Variants in PTPA observed in about 807,000 individuals in gnomAD.
PTPA encodes serine/threonine-protein phosphatase 2A activator.
Under a neutral mutation model 43.6 loss-of-function variants are expected in PTPA, and 13 were observed. That is an observed-to-expected ratio of 0.30 (90% CI 0.19 to 0.47). PTPA has a LOEUF of 0.47. PTPA is among the 20% of genes least tolerant of loss of function. PTPA has a pLI of 0.99. For synonymous variants in PTPA, 172 were observed against 158.2 expected (o/e 1.09, Z -0.66); for missense variants, 329 against 411.9 (o/e 0.80, Z 1.74).
chr9:129,123,938 C>T (rs1849416371), intron 3 of PTPA, among the ~76,000 whole-genome samples: 1 of 152,194 alleles, frequency 6.6e-6, no homozygotes, highest in Admixed American at 6.5e-5. Context: ...CTGCCTCGGC[C>T]TCCCAAAGTG....
intron 1 of PTPA, among the ~76,000 whole-genome samples, chr9:129,116,364 T>C (rs1354166742): frequency 4.7e-5 from 7 of 149,772 alleles, no homozygotes; most frequent in Non-Finnish European, 7.4e-5. Flanking sequence ...TTTTTTGTAT[T>C]TTTAGTAGAG....
At chr9:129,127,604 T>C (rs1849663363) in intron 3 of PTPA, among the ~76,000 whole-genome samples, 1 of 152,208 alleles carries the variant, frequency 6.6e-6, no homozygotes, top group Admixed American at 6.5e-5. Context: ...TTCTAACTGA[T>C]CTTTGGGTTG....
chr9:129,140,944 C>G (rs944418781), intron 8 of PTPA, among the ~76,000 whole-genome samples: 1 of 151,946 alleles, frequency 6.6e-6, no homozygotes, highest in Non-Finnish European at 1.5e-5. Flanking sequence ...CTGAGTGAAG[C>G]GAGTGGTCCA....
chr9:129,113,905 C>G (rs1410908217), intron 1 of PTPA, among the ~76,000 whole-genome samples: 2 of 152,166 alleles, frequency 1.3e-5, no homozygotes, highest in African/African-American at 4.8e-5. Flanking sequence ...GAGAGAGAAC[C>G]TGTGCCCTGA....
Position 129,138,501 on chromosome 9 carries a change from C to T in PTPA, c.786+809C>T, listed in dbSNP as rs1850533790. ...ACCTCTCTTGAGGGAGGTGTTAGGA[C>T]TTCTCATCCTCTCTGCCATCCCCAT... On this transcript the variant is annotated intron_variant, in intron 8 of 9. Transcript: ENST00000393370. Among the ~76,000 whole-genome samples the T allele has an allele frequency of 2.0e-5, 3 of 152,286 alleles. No homozygotes were observed. In the South Asian group the frequency reaches 6.2e-4, roughly 32 times the overall value.
intron 5 of PTPA, 147 bp downstream of exon 5, chr9:129,131,786 G>A: frequency 5.0e-6 from 4 of 794,824 alleles, no homozygotes; most frequent in Non-Finnish European, 8.3e-6. Flanking sequence ...CTGGGGTTAG[G>A]GTGGCTTCAC....
At chr9:129,140,944 C>T (rs944418781) in intron 8 of PTPA, among the ~76,000 whole-genome samples, 1 of 151,946 alleles carries the variant, frequency 6.6e-6, no homozygotes, top group Non-Finnish European at 1.5e-5. Context: ...CTGAGTGAAG[C>T]GAGTGGTCCA....
At chr9:129,142,662 G>C in intron 9 of PTPA, 110 bp downstream of exon 9, 1 of 1,553,864 alleles carries the variant, frequency 6.4e-7, no homozygotes, top group Non-Finnish European at 8.7e-7. Flanking sequence ...CTACCCCACT[G>C]TTTTGCTCTG....
intron 1 of PTPA, among the ~76,000 whole-genome samples, chr9:129,116,491 A>G (rs943108095): frequency 1.4e-5 from 2 of 145,610 alleles, no homozygotes; most frequent in Non-Finnish European, 3.0e-5. Context: ...TGTTCTCGCC[A>G]TTCTCCTGCC....
chr9:129,140,377 A>AGG, intron 8 of PTPA, among the ~76,000 whole-genome samples: 1 of 152,272 alleles, frequency 6.6e-6, no homozygotes, highest in Middle Eastern at 3.4e-3. Context: ...TGAAGGACTT[A>AGG]GGGAGACCCT....
At chr9:129,112,507 A>G (rs1848596004) in intron 1 of PTPA, among the ~76,000 whole-genome samples, 1 of 152,186 alleles carries the variant, frequency 6.6e-6, no homozygotes, top group Non-Finnish European at 1.5e-5. Context: ...AGGTCTCAGG[A>G]GGGAGAAATG....
In PTPA at chr9:129,142,840, T is replaced by C. The variant is rs370569141; in HGVS notation, c.894+288T>C. 6.8e-5 allele frequency: 104 copies of C among 1,532,332 alleles called. No individual in the cohort carries two copies. The African/African-American group carries it at 9.9e-4, about 15-fold the overall frequency. 94.9% of individuals were successfully genotyped at this position (1,532,332 alleles called of 1,614,324 possible). ...CCTGCTGCATGGGGAGTGGGGGCGA[T>C]GGGGGCCTCCCTTCTCCTTTATCAA... On this transcript the variant is annotated intron_variant, in intron 9 of 9. Coordinates refer to ENST00000393370, the MANE Select transcript of PTPA (RefSeq NM_178000.3).
chr9:129,144,728 GACTCTCT>G lies in PTPA; in HGVS notation c.894+2177_894+2183del, dbSNP rs1851174503. Among the ~76,000 whole-genome samples, 5 of 95,992 alleles carry G rather than the reference GACTCTCT, an allele frequency of 5.2e-5. No individual in the cohort carries two copies. In the East Asian group the frequency reaches 1.5e-3, roughly 29 times the overall value. 63.0% of individuals were successfully genotyped at this position (95,992 alleles called of 152,430 possible). On this transcript the variant is annotated intron_variant, in intron 9 of 9. Transcript: ENST00000393370. ...CACTCCAGCCTGGGCGACAGAGCGA[GACTCTCT>G]CAAAAAAAAAAAAAAAAAAAGATCA...
At chr9:129,139,261 A>G (rs1850594733) in intron 8 of PTPA, 1 of 152,224 alleles carries the variant, frequency 6.6e-6, no homozygotes, top group Non-Finnish European at 1.5e-5. Flanking sequence ...AACACCCCAA[A>G]AGCTTTTCCA....
chr9:129,134,930 G>A (rs745523262), intron 6 of PTPA, 36 bp downstream of exon 6: 19 of 1,559,812 alleles, frequency 1.2e-5, no homozygotes, highest in East Asian at 2.2e-5. Context: ...AGGAGGGGGC[G>A]TGAGGGGCCA....
Position 129,137,708 on chromosome 9 carries a change from G to T in PTPA, c.786+16G>T. On this transcript the variant is annotated intron_variant, in intron 8 of 9. Transcript: ENST00000393370. Reference sequence around the variant, plus strand: ...TATTACCGAGGTGAGGAGGAGGGGTGAGAGAGAAGCCCATGGCTGCCTCCA... The same window carrying T: ...TATTACCGAGGTGAGGAGGAGGGGTTAGAGAGAAGCCCATGGCTGCCTCCA... 6.4e-7 allele frequency: 1 copy of T among 1,571,506 alleles called. No individual in the cohort carries two copies. Among genetic ancestry groups the T allele is most frequent in the Non-Finnish European group, 8.7e-7 (1 of 1,150,260 alleles).
chr9:129,132,090 T>A (rs1850016357), intron 5 of PTPA, among the ~76,000 whole-genome samples: 1 of 152,124 alleles, frequency 6.6e-6, no homozygotes, highest in Non-Finnish European at 1.5e-5. Flanking sequence ...ACATTCTCTG[T>A]GCTATTGGGC....
intron 2 of PTPA, among the ~76,000 whole-genome samples, chr9:129,121,291 G>C (rs780802890): frequency 6.6e-6 from 1 of 152,224 alleles, no homozygotes. Context: ...GGGCACAGGG[G>C]TCCTTGCATG....
At chr9:129,115,577 A>T (rs1461841276) in intron 1 of PTPA, among the ~76,000 whole-genome samples, 1 of 152,086 alleles carries the variant, frequency 6.6e-6, no homozygotes, top group Non-Finnish European at 1.5e-5. Context: ...CAGGGGGACA[A>T]ATTTATACCA....
Sources: allele counts gnomAD v4.1 joint callset (sites outside exome capture counted in the v4.1 genomes callset), GRCh38; gene constraint gnomAD v4.1.1; transcripts MANE v1.5; gene names NCBI Gene and HGNC (gene_info 2026-07-23, HGNC 2026-07-21).